SLC20A2: variants seen among roughly 807,000 people sequenced by gnomAD.
The protein encoded by SLC20A2 is sodium-dependent phosphate transporter 2.
A neutral mutation model predicts 61.0 loss-of-function variants in SLC20A2; 30 were observed. The observed-to-expected ratio is 0.49, with a 90% CI of 0.37 to 0.67. The LOEUF (loss-of-function observed/expected upper bound fraction) is 0.67, where lower values mean the gene tolerates loss of function less well. Among genes scored for constraint, SLC20A2 ranks in the 30% least tolerant of loss-of-function variants. SLC20A2 has a pLI of 0.00. For missense variants in SLC20A2, 626 were observed against 866.4 expected (o/e 0.72, Z 3.48); for synonymous variants, 351 against 353.3 (o/e 0.99, Z 0.07).
At position 42,437,288 on chromosome 8, in the gene SLC20A2, C is replaced by T. The variant is rs1170124656; in HGVS notation, c.1224G>A (p.Ser408=). The change falls in exon 8 of 11, where the codon TCG becomes TCA. Residue 408 remains serine, a synonymous_variant. Transcript: ENST00000520262. The surrounding 1 kb of genome is among the most constrained non-coding windows in gnomAD (Gnocchi z 6.4). The stretch of plus-strand genomic sequence containing the variant: ...CCAGCTTCTCACTGTCCTCTGGGGC[C>T]GATGAGTCCGCAGCTCGAAAGGTGG... ...VHATFRAADS[S]APEDSEKLVG... is the part of the protein sequence containing the mutation. The T allele has an allele frequency of 6.2e-7, 1 of 1,614,000 alleles. No homozygotes were observed. Among genetic ancestry groups the T allele is most frequent in the East Asian group, 2.2e-5 (1 of 44,880 alleles).
chr8:42,467,546 G>T (rs1455270109), intron 2 of SLC20A2, among the ~76,000 whole-genome samples: 1 of 152,188 alleles, frequency 6.6e-6, no homozygotes, highest in Non-Finnish European at 1.5e-5. Flanking sequence ...CTTTTCAGGG[G>T]ACCCCTGGCA....
chr8:42,459,890 C>T lies in SLC20A2; in HGVS notation c.613+6G>A. ...CCCCTGGAGTATGCTTCCAAGGGATCCTTACCTGGTGCTCCTGTGTACATG... is the reference window on the plus strand; with the variant it reads ...CCCCTGGAGTATGCTTCCAAGGGATTCTTACCTGGTGCTCCTGTGTACATG... On this transcript the variant is annotated splice_donor_region_variant and intron_variant, in intron 5 of 10. Transcript: ENST00000520262. The T allele has an allele frequency of 1.3e-6, 2 of 1,599,156 alleles. No homozygotes were observed. The highest frequency in any genetic ancestry group is 1.1e-5 in the South Asian group (1 of 90,340).
intron 1 of SLC20A2, among the ~76,000 whole-genome samples, chr8:42,506,499 TGGTA>T (rs1382008075): frequency 6.6e-6 from 1 of 152,230 alleles, no homozygotes; most frequent in East Asian, 1.9e-4. Context: ...AGCAGCAGTA[TGGTA>T]CTTGCTGAAG....
chr8:42,445,300 C>A (rs6474397), intron 5 of SLC20A2, among the ~76,000 whole-genome samples: 4,883 of 151,662 alleles, frequency 0.032, 109 homozygotes, highest in African/African-American at 0.067. Context: ...TCAAAAAAAA[C>A]AATAAATAAA....
intron 1 of SLC20A2, among the ~76,000 whole-genome samples, chr8:42,517,938 A>T (rs1398748800): frequency 2.0e-5 from 3 of 151,642 alleles, no homozygotes; most frequent in Non-Finnish European, 4.4e-5. Context: ...TTTTTAAAGA[A>T]TTATTTATTT....
At chr8:42,536,024 C>T (rs1033819933) in intron 1 of SLC20A2, among the ~76,000 whole-genome samples, 3 of 152,178 alleles carry the variant, frequency 2.0e-5, no homozygotes, top group Non-Finnish European at 4.4e-5. Context: ...TTCTCTCTTT[C>T]CCTAAAAGTT....
intron 6 of SLC20A2, among the ~76,000 whole-genome samples, chr8:42,443,069 A>G (rs1804899328): frequency 6.6e-6 from 1 of 151,350 alleles, no homozygotes; most frequent in Non-Finnish European, 1.5e-5. Flanking sequence ...TCCTTTTAAT[A>G]ACATGTGTTT....
At position 42,471,302 on chromosome 8, in the gene SLC20A2, C is replaced by T. The variant is rs537181894; in HGVS notation, c.289+800G>A. The T allele has an allele frequency of 8.6e-4, 382 of 446,466 alleles. 1 individual carries two copies. The highest frequency in any genetic ancestry group is 1.5e-3 in the Non-Finnish European group (323 of 222,268). The allele number at this position is 446,466 out of a possible 1,614,324, so 27.7% of individuals were successfully genotyped here. A position where few individuals can be genotyped will look rare whatever the true frequency, so the allele number is the denominator to read the frequency against. The stretch of plus-strand genomic sequence containing the variant: ...GCGAGGGCAGTGATGGGAAGACCCA[C>T]GGGGCCGAGATCTGTGTCCGCTTAG... On this transcript the variant is annotated intron_variant, in intron 2 of 10. Transcript: ENST00000520262.
intron 1 of SLC20A2, among the ~76,000 whole-genome samples, chr8:42,520,008 CTT>C (rs557576151): frequency 9.7e-5 from 10 of 102,660 alleles, no homozygotes; most frequent in Admixed American, 2.3e-4. Context: ...TTATGCTAAT[CTT>C]TTTTTTTTTT....
chr8:42,438,176 T>C (rs571333275), intron 7 of SLC20A2, among the ~76,000 whole-genome samples: 104 of 151,714 alleles, frequency 6.9e-4, no homozygotes, highest in Non-Finnish European at 1.3e-3. Flanking sequence ...CTTCCAGAAA[T>C]TACTATGGCA....
rs2130904839 is a variant in SLC20A2 at position 42,417,812 on chromosome 8, T to C, written c.1950A>G (p.Pro650=). 1 of 1,613,766 alleles carries C rather than the reference T, an allele frequency of 6.2e-7. No individual in the cohort carries two copies. The highest frequency in any genetic ancestry group is 1.1e-5 in the South Asian group (1 of 91,052). ...VMALLMYGIL[P]YV is the part of the protein sequence containing the mutation. Reference sequence around the variant, plus strand: ...GCTGGAAGAAGACAAATCACACATATGGAAGGATCCCATACATGAGAAGAG... The same window carrying C: ...GCTGGAAGAAGACAAATCACACATACGGAAGGATCCCATACATGAGAAGAG... Residue 650 remains proline, a synonymous_variant, in exon 11 of 11, where the codon CCA becomes CCG. Transcript: ENST00000520262.
intron 1 of SLC20A2, among the ~76,000 whole-genome samples, chr8:42,476,140 A>C (rs10429429): frequency 1.7e-5 from 2 of 117,216 alleles, no homozygotes; most frequent in African/African-American, 6.6e-5. Context: ...TCTGTCGCCC[A>C]GGCTGGAGTG....
At chr8:42,505,354 A>G (rs918910125), upstream of SLC20A2, among the ~76,000 whole-genome samples, 11 of 152,072 alleles carry the variant, frequency 7.2e-5, no homozygotes, top group African/African-American at 2.7e-4. Context: ...TAGTAAATAA[A>G]TAGGCTGGGC....
intron 1 of SLC20A2, among the ~76,000 whole-genome samples, chr8:42,535,567 C>G (rs1250225319): frequency 6.6e-6 from 1 of 152,106 alleles, no homozygotes; most frequent in African/African-American, 2.4e-5. Context: ...GTTTACACTC[C>G]GCTGTAAGAT....
At chr8:42,518,993 TA>T (rs1262654421) in intron 1 of SLC20A2, among the ~76,000 whole-genome samples, 2 of 152,212 alleles carry the variant, frequency 1.3e-5, no homozygotes, top group Non-Finnish European at 2.9e-5. Flanking sequence ...GAGCCATAAA[TA>T]AAAGCTATGT....
intron 1 of SLC20A2, among the ~76,000 whole-genome samples, chr8:42,525,136 C>T (rs1039088975): frequency 4.6e-5 from 7 of 152,140 alleles, no homozygotes; most frequent in Non-Finnish European, 7.3e-5. Flanking sequence ...CTCTTTAGGA[C>T]TGCTGGTGCC....
chr8:42,482,529 A>G (rs964082062), intron 1 of SLC20A2, among the ~76,000 whole-genome samples: 4 of 152,176 alleles, frequency 2.6e-5, no homozygotes, highest in African/African-American at 9.7e-5. Context: ...TGGGCGGATC[A>G]CTTGAGCCCA....
chr8:42,530,370 G>A (rs1812243582), intron 1 of SLC20A2, among the ~76,000 whole-genome samples: 1 of 152,142 alleles, frequency 6.6e-6, no homozygotes, highest in Non-Finnish European at 1.5e-5. Flanking sequence ...AATATACTCA[G>A]GTTGGTATTA....
intron 2 of SLC20A2, among the ~76,000 whole-genome samples, chr8:42,466,645 A>C (rs1281380453): frequency 6.6e-6 from 1 of 152,074 alleles, no homozygotes; most frequent in Admixed American, 6.6e-5. Context: ...AGAGAGTATA[A>C]TACCATGTTG....
Sources: allele counts gnomAD v4.1 joint callset (sites outside exome capture counted in the v4.1 genomes callset), GRCh38; gene constraint gnomAD v4.1.1; non-coding constraint Gnocchi (gnomAD v3.1); transcripts MANE v1.5; gene names NCBI Gene and HGNC (gene_info 2026-07-23, HGNC 2026-07-21).